TAP2: variants seen among roughly 807,000 people sequenced by gnomAD.
TAP2 encodes the protein antigen peptide transporter 2.
A neutral mutation model predicts 74.7 loss-of-function variants in TAP2; 49 were observed. That is an observed-to-expected ratio of 0.66 (90% confidence interval 0.52 to 0.83). TAP2 has a LOEUF of 0.83. Among genes scored for constraint, TAP2 ranks in the 40% least tolerant of loss-of-function variants. The pLI is 0.00. For missense variants in TAP2, 739 were observed against 859.0 expected, an observed-to-expected ratio of 0.86 and a Z score of 1.75; for synonymous variants, 306 against 368.4, an observed-to-expected ratio of 0.83 and a Z score of 1.94.
Position 32,829,430 on chromosome 6 carries a change from A to C in TAP2, c.1902T>G (p.Thr634=). The C allele has an allele frequency of 6.2e-7, 1 of 1,609,462 alleles. No homozygotes were observed. The highest frequency in any genetic ancestry group is 8.5e-7 in the Non-Finnish European group (1 of 1,177,822). ...DPRVLILDEA[T]SALDVQCEQA... ...GCTCGCACTGCACATCTAGGGCACT[A>C]GTAGCCTCATCCAGGATGAGGACCC... The change falls in exon 11 of 12, where the codon ACT becomes ACG. Residue 634 remains threonine (T), a synonymous_variant. Coordinates refer to ENST00000374897, the MANE Select transcript of TAP2 (RefSeq NM_001290043.2).
In TAP2 at chr6:32,828,744, C is replaced by T. The variant is rs17034; in HGVS notation, c.*162G>A. ...CACAGTGTCCAAATCTCCATCGTGC[C>T]TGCAACTCAGGAACAGCTATCTGGC... On this transcript the variant is annotated 3_prime_UTR_variant, in exon 12 of 12. Transcript: ENST00000374897. 292,486 of 1,141,594 alleles carry T rather than the reference C, an allele frequency of 0.26. 38,526 individuals are homozygous for T. The highest frequency in any genetic ancestry group is 0.38 in the East Asian group (8,319 of 22,184). The allele number at this position is 1,141,594 out of a possible 1,614,324, so 70.7% of individuals were successfully genotyped here.
rs1451352867 is a variant in TAP2 at position 32,827,908 on chromosome 6, A to G, written c.*998T>C. 21 of 957,240 alleles carry G rather than the reference A, an allele frequency of 2.2e-5. 2 individuals are homozygous for G. The highest frequency in any genetic ancestry group is 1.2e-5 in the Non-Finnish European group (10 of 805,222). The allele number at this position is 957,240 out of a possible 1,614,324, so 59.3% of individuals were successfully genotyped here. A position where few individuals can be genotyped will look rare whatever the true frequency, so the allele number is the denominator to read the frequency against. On this transcript the variant is annotated 3_prime_UTR_variant, in exon 12 of 12. Coordinates refer to ENST00000374897, the MANE Select transcript of TAP2 (RefSeq NM_001290043.2). The stretch of plus-strand genomic sequence containing the variant: ...CTGGTGATGGGATCATCTTAAGTCT[A>G]TGAGTGAAGACTATAACAACGGGAC...
intron 8 of TAP2, 71 bp downstream of exon 8, chr6:32,830,547 T>C: frequency 1.9e-6 from 3 of 1,605,246 alleles, no homozygotes; most frequent in Non-Finnish European, 1.7e-6. Flanking sequence ...AAATGAACTA[T>C]AGGCTGTGAT....
Position 32,832,934 on chromosome 6 carries a change from G to GTT in TAP2, c.946-112_946-111dup, listed in dbSNP as rs546488421. ...CTAGTCTACCTAAAAATACCAAACT[G>GTT]TTTCTCTCCCTCTTCCTTACTCTTC... is the stretch of plus-strand genomic sequence containing the variant. On this transcript the variant is annotated intron_variant, in intron 5 of 11. Coordinates refer to ENST00000374897, the MANE Select transcript of TAP2 (RefSeq NM_001290043.2). This position sits in a 1 kb window ranked among gnomAD's most constrained non-coding sequence, Gnocchi z 5.9. 2,401 of 1,199,794 alleles carry GTT rather than the reference G, an allele frequency of 2.0e-3. 3 individuals carry two copies. The highest frequency in any genetic ancestry group is 7.3e-3 in the African/African-American group (487 of 66,790). 74.3% of individuals were successfully genotyped at this position (1,199,794 alleles called of 1,614,324 possible).
At position 32,828,877 on chromosome 6, in the gene TAP2, A is replaced by C; in HGVS notation, c.*29T>G. ...GCCTCAGTCCATCAGCCGCTGCTGC[A>C]CCAGGCGGGAATAGAGGTCCTGTCC... On this transcript the variant is annotated 3_prime_UTR_variant, in exon 12 of 12. Coordinates refer to ENST00000374897, the MANE Select transcript of TAP2 (RefSeq NM_001290043.2). The C allele has an allele frequency of 6.6e-7, 1 of 1,524,152 alleles. No individual in the cohort carries two copies. The highest frequency in any genetic ancestry group is 8.9e-7 in the Non-Finnish European group (1 of 1,128,768). The allele number at this position is 1,524,152 out of a possible 1,614,324, so 94.4% of individuals were successfully genotyped here.
chr6:32,829,349 C>T (rs1436266386), intron 11 of TAP2, 51 bp downstream of exon 11: 7 of 1,560,270 alleles, frequency 4.5e-6, no homozygotes, highest in African/African-American at 4.1e-5. Context: ...CTGATCCTCC[C>T]AGCATGCCCC....
In TAP2 at chr6:32,832,532, C is replaced by T. The variant is rs1769154846; in HGVS notation, c.1144-71G>A. ...TTTCCCCCTCTCTGCCTCTATGAGA[C>T]TGAGCTGCAAAGGCCTCTAGAACCA... On this transcript the variant is annotated intron_variant, in intron 6 of 11. Transcript: ENST00000374897. This position sits in a 1 kb window ranked among gnomAD's most constrained non-coding sequence, Gnocchi z 5.9. 1 of 1,611,468 alleles carries T rather than the reference C, an allele frequency of 6.2e-7. No individual in the cohort carries two copies. The highest frequency in any genetic ancestry group is 1.3e-5 in the African/African-American group (1 of 74,872).
chr6:32,827,803 A>G lies in TAP2; in HGVS notation c.*1103T>C. 1 of 923,540 alleles carries G rather than the reference A, an allele frequency of 1.1e-6. No individual in the cohort carries two copies. 57.2% of individuals were successfully genotyped at this position (923,540 alleles called of 1,614,324 possible). The stretch of plus-strand genomic sequence containing the variant: ...TGAAGGAATTTCCAGAAATGCCATC[A>G]TCGTATGTGACACAGAATTTAGAAA... On this transcript the variant is annotated 3_prime_UTR_variant, in exon 12 of 12. Coordinates refer to ENST00000374897, the MANE Select transcript of TAP2 (RefSeq NM_001290043.2).
downstream of TAP2, among the ~76,000 whole-genome samples, chr6:32,823,369 C>A (rs1185906265): frequency 2.7e-5 from 4 of 150,032 alleles, no homozygotes; most frequent in Non-Finnish European, 2.9e-5. Flanking sequence ...AAACACATGT[C>A]TCATATATTC....
In TAP2 at chr6:32,835,682, G is replaced by A; in HGVS notation, c.700C>T (p.Leu234=). 1 of 1,613,102 alleles carries A rather than the reference G, an allele frequency of 6.2e-7. No individual in the cohort carries two copies. The highest frequency in any genetic ancestry group is 1.1e-5 in the South Asian group (1 of 91,082). ...RIREQLFSSL[L]RQDLGFFQET... ...TGGAAGAAACCGAGGTCCTGGCGCAGCAGGGAGGAGAAAAGCTGCTCCCGG... is the reference window on the plus strand; with the variant it reads ...TGGAAGAAACCGAGGTCCTGGCGCAACAGGGAGGAGAAAAGCTGCTCCCGG... Residue 234 remains leucine (L), a synonymous_variant, in exon 4 of 12, where the codon CTG becomes TTG. Transcript: ENST00000374897. This position sits in a 1 kb window ranked among gnomAD's most constrained non-coding sequence, Gnocchi z 4.0.
chr6:32,835,805 A>G lies in TAP2; in HGVS notation c.609-32T>C, dbSNP rs763080456. 2 of 1,613,038 alleles carry G rather than the reference A, an allele frequency of 1.2e-6. No individual in the cohort carries two copies. The highest frequency in any genetic ancestry group is 1.3e-5 in the African/African-American group (1 of 75,018). ...GGTAGGAGAATAAGAGGGGAGGGAG[A>G]TGCAGAGAAGGAGCAAGCCAGCGGG... On this transcript the variant is annotated intron_variant, in intron 3 of 11. Transcript: ENST00000374897. This position sits in a 1 kb window ranked among gnomAD's most constrained non-coding sequence, Gnocchi z 4.0.
At chr6:32,829,205 G>C (rs184579273) in intron 11 of TAP2, among the ~76,000 whole-genome samples, 171 bp from the exon 12 acceptor site, 10 of 152,312 alleles carry the variant, frequency 6.6e-5, no homozygotes, top group Non-Finnish European at 4.4e-5. Flanking sequence ...TACTGCCACA[G>C]CTGGAGGAAT....
In TAP2 at chr6:32,832,615, C is replaced by G; in HGVS notation, c.1143+12G>C. 6.2e-7 allele frequency: 1 copy of G among 1,613,108 alleles called. No individual in the cohort carries two copies. The highest frequency in any genetic ancestry group is 8.5e-7 in the Non-Finnish European group (1 of 1,180,036). The stretch of plus-strand genomic sequence containing the variant: ...TTCCTGGGCTCCTTTCACAACCACT[C>G]TGGTATCTTACCCTCCTTACGAGCA... On this transcript the variant is annotated intron_variant, in intron 6 of 11. Transcript: ENST00000374897. The surrounding 1 kb of genome is among the most constrained non-coding windows in gnomAD (Gnocchi z 5.9).
chr6:32,837,841 C>G lies in TAP2; in HGVS notation c.393G>C (p.Gln131His), dbSNP rs781532656. ...TCCACATCAAGACTTTGTTGTTCAC[C>G]TGGTCCTGCTCCTTCTCCTGGGCTC... ...PPGAQEKEQD[Q>H]VNNKVLMWRL... is the part of the protein sequence containing the mutation. The change falls in exon 2 of 12, where the codon CAG (glutamine) becomes CAC (histidine). Residue 131 changes from glutamine (Q) to histidine (H), a missense_variant. By Grantham distance (24) the Gln-to-His change is conservative. Transcript: ENST00000374897. The G allele has an allele frequency of 3.7e-6, 6 of 1,613,770 alleles. No individual in the cohort carries two copies. In the South Asian group the frequency reaches 6.6e-5, roughly 18 times the overall value.
rs1768767801 is a variant in TAP2 at position 32,828,019 on chromosome 6, A to C, written c.*887T>G. 1 of 984,542 alleles carries C rather than the reference A, an allele frequency of 1.0e-6. No individual in the cohort carries two copies. Among genetic ancestry groups the C allele is most frequent in the Non-Finnish European group, 1.2e-6 (1 of 829,304 alleles). The allele number at this position is 984,542 out of a possible 1,614,324, so 61.0% of individuals were successfully genotyped here. ...TGGGATTATGGATTAGGGTTTATGG[A>C]CCCAAGATGCAATATAATTGATTGG... On this transcript the variant is annotated 3_prime_UTR_variant, in exon 12 of 12. Coordinates refer to ENST00000374897, the MANE Select transcript of TAP2 (RefSeq NM_001290043.2).
rs952994257 is a variant in TAP2 at position 32,826,716 on chromosome 6, G to T, written c.*2190C>A. 1.0e-6 allele frequency: 1 copy of T among 985,272 alleles called. No individual in the cohort carries two copies. Among genetic ancestry groups the T allele is most frequent in the African/African-American group, 1.7e-5 (1 of 57,208 alleles). The allele number at this position is 985,272 out of a possible 1,614,324, so 61.0% of individuals were successfully genotyped here. A position where few individuals can be genotyped will look rare whatever the true frequency, so the allele number is the denominator to read the frequency against. On this transcript the variant is annotated 3_prime_UTR_variant, in exon 12 of 12. Coordinates refer to ENST00000374897, the MANE Select transcript of TAP2 (RefSeq NM_001290043.2). ...ACCCAGCTTTATCATGATTAGCTGC[G>T]TGATTTCATGTCAGTTTCTCTGTAA...
chr6:32,838,313 T>C, intron 1 of TAP2, 76 bp from the exon 2 acceptor site: 1 of 1,480,808 alleles, frequency 6.8e-7, no homozygotes, highest in East Asian at 2.3e-5. Flanking sequence ...CCCGCCCGGC[T>C]CCGCCTAACC....
Position 32,828,446 on chromosome 6 carries a change from T to A in TAP2, c.*460A>T. On this transcript the variant is annotated 3_prime_UTR_variant, in exon 12 of 12. Transcript: ENST00000374897. ...TCTCAAACAACAGATAAACGACTGATGGGACAGGCAGCAAAATAGCAACTA... is the reference window on the plus strand; with the variant it reads ...TCTCAAACAACAGATAAACGACTGAAGGGACAGGCAGCAAAATAGCAACTA... 1 of 985,734 alleles carries A rather than the reference T, an allele frequency of 1.0e-6. No homozygotes were observed. Among genetic ancestry groups the A allele is most frequent in the Non-Finnish European group, 1.2e-6 (1 of 830,038 alleles). 61.1% of individuals were successfully genotyped at this position (985,734 alleles called of 1,614,324 possible).
At chr6:32,831,262 G>A (rs921245384) in intron 7 of TAP2, among the ~76,000 whole-genome samples, 1 of 152,162 alleles carries the variant, frequency 6.6e-6, no homozygotes, top group Non-Finnish European at 1.5e-5. Context: ...TTTGAGAACT[G>A]GTAAATGTAG....
Sources: allele counts gnomAD v4.1 joint callset (sites outside exome capture counted in the v4.1 genomes callset), GRCh38; gene constraint gnomAD v4.1.1; non-coding constraint Gnocchi (gnomAD v3.1); transcripts MANE v1.5; gene names NCBI Gene and HGNC (gene_info 2026-07-23, HGNC 2026-07-21).